Variants in ZNF850 observed in about 807,000 individuals in gnomAD.
ZNF850 encodes zinc finger protein 850, also known as putative zinc finger protein ENSP00000330994.
ZNF850 carries 2 observed loss-of-function variants against 11.9 expected under a neutral mutation model. The observed-to-expected ratio is 0.17, with a 90% confidence interval of 0.07 to 0.53. The LOEUF (loss-of-function observed/expected upper bound fraction) is 0.53. Among genes scored for constraint, ZNF850 ranks in the 20% least tolerant of loss-of-function variants. The pLI is 0.94. For synonymous variants in ZNF850, 381 were observed against 443.0 expected, an observed-to-expected ratio of 0.86 and a Z score of 1.76; for missense variants, 1,014 against 1,316.4, an observed-to-expected ratio of 0.77 and a Z score of 3.55.
intron 1 of ZNF850, among the ~76,000 whole-genome samples, chr19:36,764,834 C>G (rs1213636779): frequency 1.3e-5 from 2 of 151,176 alleles, no homozygotes; most frequent in Non-Finnish European, 2.9e-5. Flanking sequence ...TTACAGGCGC[C>G]TGCCACCATG....
chr19:36,747,842 T>G lies in ZNF850; in HGVS notation c.3198A>C (p.Glu1066Asp). 6.3e-7 allele frequency: 1 copy of G among 1,579,968 alleles called. No homozygotes were observed. Among genetic ancestry groups the G allele is most frequent in the Non-Finnish European group, 8.6e-7 (1 of 1,166,646 alleles). ...QSVHTGEKPY[E>D]CKTCGKAFKQ... ...TAAAGGCCTTCCCACATGTCTTACA[T>G]TCATAGGGTTTCTCGCCAGTGTGAA... The change falls in exon 5 of 5, where the codon GAA becomes GAC. Residue 1066 changes from glutamate (E) to aspartate (D), a missense_variant. By Grantham distance (45) the Glu-to-Asp change is conservative. Transcript: ENST00000591344.
At position 36,763,076 on chromosome 19, in the gene ZNF850, G is replaced by C. The variant is rs142358160; in HGVS notation, c.-69-401C>G. On this transcript the variant is annotated intron_variant, in intron 1 of 4. Transcript: ENST00000591344. Reference sequence around the variant, plus strand: ...CAGCTAATTTTTTGTATTTTTAGTAGAAACGAGGTTTTGCCATTTGGTCAG... The same window carrying C: ...CAGCTAATTTTTTGTATTTTTAGTACAAACGAGGTTTTGCCATTTGGTCAG... Among the ~76,000 whole-genome samples, 110 of 151,870 alleles carry C rather than the reference G, an allele frequency of 7.2e-4. 2 individuals are homozygous for C. The highest frequency in any genetic ancestry group is 4.3e-3 in the Admixed American group (65 of 15,238).
In ZNF850 at chr19:36,749,050, G is replaced by A; in HGVS notation, c.1990C>T (p.His664Tyr). ...GGTTTCTCACCAGTGTGAATTCTGT[G>A]ATGTTGGGTGAGTCCTGAGACACTG... is the stretch of plus-strand genomic sequence containing the variant. ...FVSVSGLTQH[H>Y]RIHTGEKPYE... The change falls in exon 5 of 5, where the codon CAC becomes TAC. Residue 664 changes from histidine to tyrosine, a missense_variant. By Grantham distance (83) the His-to-Tyr change is moderately conservative (BLOSUM62 2). Around this residue, in one of 2 missense-constraint regions of ZNF850, gnomAD observed 835 missense variants for 1,022.0 expected, o/e 0.82. Transcript: ENST00000591344. The A allele has an allele frequency of 6.2e-7, 1 of 1,607,606 alleles. No homozygotes were observed. The highest frequency in any genetic ancestry group is 8.5e-7 in the Non-Finnish European group (1 of 1,178,004).
chr19:36,759,370 G>A (rs1260768251), intron 4 of ZNF850, among the ~76,000 whole-genome samples: 1 of 152,148 alleles, frequency 6.6e-6, no homozygotes, highest in Non-Finnish European at 1.5e-5. Context: ...AGCTACTCAG[G>A]AGGCAGAGGT....
chr19:36,754,684 T>A (rs941138547), intron 4 of ZNF850, among the ~76,000 whole-genome samples: 1 of 152,018 alleles, frequency 6.6e-6, no homozygotes, highest in Non-Finnish European at 1.5e-5. Flanking sequence ...GCCTCCCAAG[T>A]AGCTGGGATT....
In ZNF850 at chr19:36,750,860, A is replaced by G. The variant is rs117925001; in HGVS notation, c.236-56T>C. On this transcript the variant is annotated intron_variant, in intron 4 of 4. Coordinates refer to ENST00000591344, the MANE Select transcript of ZNF850 (RefSeq NM_001193552.2). ...CATTTCCTTGTTGAGTAGAAATAAA[A>G]ACATCTATGGTAGAAAGGGGAGACA... is the stretch of plus-strand genomic sequence containing the variant. 4,700 of 1,430,798 alleles carry G rather than the reference A, an allele frequency of 3.3e-3. 22 individuals are homozygous for G. Among genetic ancestry groups the G allele is most frequent in the South Asian group, 8.4e-3 (571 of 67,766 alleles). The allele number at this position is 1,430,798 out of a possible 1,614,324, so 88.6% of individuals were successfully genotyped here.
At chr19:36,761,888 A>C (rs1483962369) in intron 3 of ZNF850, 150 bp from the exon 4 acceptor site, 4 of 553,362 alleles carry the variant, frequency 7.2e-6, no homozygotes, top group Non-Finnish European at 1.3e-5. Flanking sequence ...TCTACTAAAA[A>C]TACAAAAATT....
intron 4 of ZNF850, among the ~76,000 whole-genome samples, chr19:36,753,243 T>G (rs1353691536): frequency 7.6e-6 from 1 of 131,556 alleles, no homozygotes; most frequent in Non-Finnish European, 1.6e-5. Context: ...CATTCCAGCC[T>G]GGGCGACAGA....
intron 4 of ZNF850, among the ~76,000 whole-genome samples, chr19:36,758,850 A>G (rs826974): frequency 0.83 from 126,054 of 151,754 alleles, 53,005 homozygotes; most frequent in Non-Finnish European, 0.88. Flanking sequence ...AGGCCAAGGC[A>G]GGCAGATCAC....
At chr19:36,760,811 G>C (rs2040513492) in intron 4 of ZNF850, among the ~76,000 whole-genome samples, 1 of 151,870 alleles carries the variant, frequency 6.6e-6, no homozygotes, top group Admixed American at 6.6e-5. Flanking sequence ...GTTGCAGTGA[G>C]CCAATATTGC....
chr19:36,762,775 T>C, intron 1 of ZNF850, 100 bp from the exon 2 acceptor site: 1 of 668,684 alleles, frequency 1.5e-6, no homozygotes, highest in Non-Finnish European at 2.5e-6. Context: ...GCTGAAAGAA[T>C]ATTACAGTAA....
chr19:36,764,532 G>T (rs2040538128), intron 1 of ZNF850, among the ~76,000 whole-genome samples: 1 of 152,090 alleles, frequency 6.6e-6, no homozygotes, highest in Non-Finnish European at 1.5e-5. Flanking sequence ...CCAATTAGAA[G>T]AAAACTACAA....
At chr19:36,761,970 C>T (rs1449847817) in intron 3 of ZNF850, among the ~76,000 whole-genome samples, 1 of 149,220 alleles carries the variant, frequency 6.7e-6, no homozygotes, top group African/African-American at 2.5e-5. Context: ...CGCTTGAACC[C>T]GAGAGACGGA....
At chr19:36,755,869 GTAAC>G (rs1463928172) in intron 4 of ZNF850, among the ~76,000 whole-genome samples, 1 of 144,848 alleles carries the variant, frequency 6.9e-6, no homozygotes, top group East Asian at 2.1e-4. Context: ...AGTAAATAAA[GTAAC>G]TACATAGTTT....
At chr19:36,768,382 G>A (rs978194504) in intron 1 of ZNF850, among the ~76,000 whole-genome samples, 2 of 152,076 alleles carry the variant, frequency 1.3e-5, no homozygotes, top group African/African-American at 4.8e-5. Context: ...AAAAAGGAGG[G>A]AAGATTTAAA....
In ZNF850 at chr19:36,744,771, T is replaced by C. The variant is rs1454159035; in HGVS notation, c.*2996A>G. ...CAGAGTAAGAATTTGAGAACAAACA[T>C]TTGATTTGTTTCCATAAATTGAGAC... On this transcript the variant is annotated 3_prime_UTR_variant, in exon 5 of 5. Transcript: ENST00000591344. The C allele has an allele frequency of 2.0e-5, 3 of 152,268 alleles. No individual in the cohort carries two copies. In the East Asian group the frequency reaches 5.8e-4, roughly 29 times the overall value. 9.4% of individuals were successfully genotyped at this position (152,268 alleles called of 1,614,324 possible). A position where few individuals can be genotyped will look rare whatever the true frequency, so the allele number is the denominator to read the frequency against.
intron 4 of ZNF850, among the ~76,000 whole-genome samples, chr19:36,753,411 G>A: frequency 9.5e-6 from 1 of 105,788 alleles, no homozygotes; most frequent in Non-Finnish European, 1.9e-5. Context: ...CAACAGCCTG[G>A]GACACTGTCT....
intron 2 of ZNF850, 60 bp downstream of exon 2, chr19:36,762,535 A>C (rs920866751): frequency 6.5e-7 from 1 of 1,536,230 alleles, no homozygotes; most frequent in Admixed American, 2.0e-5. Flanking sequence ...TACAGTGAGC[A>C]GACCAGCTAG....
chr19:36,754,149 C>CAGAG (rs56915048), intron 4 of ZNF850, among the ~76,000 whole-genome samples: 5 of 124,476 alleles, frequency 4.0e-5, no homozygotes, highest in Non-Finnish European at 6.5e-5. Flanking sequence ...GCCCGGGCAA[C>CAGAG]AGAGAGAGAG....
Sources: gnomAD v4.1 joint callset for allele counts (sites outside exome capture counted in the v4.1 genomes callset) on GRCh38, gnomAD v4.1.1 for gene constraint, gnomAD v4.1.1 regional missense constraint, MANE v1.5 for transcripts, NCBI Gene and HGNC (gene_info 2026-07-23, HGNC 2026-07-21) for gene names.